THSD7B: variants seen among roughly 807,000 people sequenced by gnomAD.
The protein encoded by THSD7B is thrombospondin type 1 domain containing 7B.
A neutral mutation model predicts 213.6 loss-of-function variants in THSD7B; 138 were observed. The observed-to-expected ratio is 0.65, with a 90% CI of 0.56 to 0.74. The LOEUF (loss-of-function observed/expected upper bound fraction) is 0.74. THSD7B is among the 30% of genes least tolerant of loss of function. THSD7B has a pLI of 0.00. For missense variants in THSD7B, 1,931 were observed against 1,991.5 expected (o/e 0.97, Z 0.58); for synonymous variants, 742 against 687.0 (o/e 1.08, Z -1.25).
intron 1 of THSD7B, among the ~76,000 whole-genome samples, chr2:136,818,770 A>G (rs1682524756): frequency 6.6e-6 from 1 of 151,972 alleles, no homozygotes; most frequent in African/African-American, 2.4e-5. Flanking sequence ...CTGATTCCTC[A>G]TTTCTAATTT....
chr2:137,662,062 C>CTTTTTTT (rs778872364), intron 25 of THSD7B, among the ~76,000 whole-genome samples: 9 of 132,654 alleles, frequency 6.8e-5, no homozygotes, highest in Non-Finnish European at 9.7e-5. Flanking sequence ...TTTCTTTTTT[C>CTTTTTTT]TTTTTTTTTT....
chr2:137,182,302 A>G (rs1452771614), intron 7 of THSD7B, among the ~76,000 whole-genome samples: 1 of 152,216 alleles, frequency 6.6e-6, no homozygotes, highest in Non-Finnish European at 1.5e-5. Flanking sequence ...TGAGAGAAAC[A>G]GTGTATGTCC....
In THSD7B at chr2:137,238,534, C is replaced by CTTTTTTTT. The variant is rs869146863; in HGVS notation, c.2151-3900_2151-3893dup. Among the ~76,000 whole-genome samples, 345 of 51,886 alleles carry CTTTTTTTT rather than the reference C, an allele frequency of 6.6e-3. 72 individuals are homozygous for CTTTTTTTT. The highest frequency in any genetic ancestry group is 7.6e-3 in the Non-Finnish European group (220 of 28,878). 34.0% of individuals were successfully genotyped at this position (51,886 alleles called of 152,430 possible). A position where few individuals can be genotyped will look rare whatever the true frequency, so the allele number is the denominator to read the frequency against. On this transcript the variant is annotated intron_variant, in intron 9 of 27. Coordinates refer to ENST00000409968, the MANE Select transcript of THSD7B (RefSeq NM_001316349.2). The stretch of plus-strand genomic sequence containing the variant: ...TATCCTGATAATGACACTCATCTTT[C>CTTTTTTTT]TTTTTTTTTTTTTTTTTTTTTTTTT...
At chr2:137,219,017 T>C (rs1014070584) in intron 7 of THSD7B, among the ~76,000 whole-genome samples, 2 of 152,122 alleles carry the variant, frequency 1.3e-5, no homozygotes, top group East Asian at 3.9e-4. Context: ...ACATTAATTA[T>C]TTTAAGGTCT....
chr2:136,990,179 C>T lies in THSD7B; in HGVS notation c.140-66241C>T, dbSNP rs555405417. Among the ~76,000 whole-genome samples, 7 of 152,342 alleles carry T rather than the reference C, an allele frequency of 4.6e-5. No homozygotes were observed. In the East Asian group the frequency reaches 9.6e-4, roughly 21 times the overall value. ...TTTCTGAGTTTATACATGTAGTTAACGGCGGAGCCCAGAGTAGAACTTAGA... is the reference window on the plus strand; with the variant it reads ...TTTCTGAGTTTATACATGTAGTTAATGGCGGAGCCCAGAGTAGAACTTAGA... On this transcript the variant is annotated intron_variant, in intron 2 of 27. Transcript: ENST00000409968.
rs189513323 is a variant in THSD7B at position 137,268,145 on chromosome 2, C to T, written c.2267-4388C>T. On this transcript the variant is annotated intron_variant, in intron 10 of 27. Coordinates refer to ENST00000409968, the MANE Select transcript of THSD7B (RefSeq NM_001316349.2). ...TGGATCCAGAATCTAAGAGAGGATT[C>T]TTTATTTTATTTTATTTTTTTTATA... is the stretch of plus-strand genomic sequence containing the variant. Among the ~76,000 whole-genome samples, 198 of 152,092 alleles carry T rather than the reference C, an allele frequency of 1.3e-3. 1 individual carries two copies. Among genetic ancestry groups the T allele is most frequent in the African/African-American group, 4.6e-3 (192 of 41,502 alleles).
At chr2:136,825,590 T>C (rs1305304238) in intron 1 of THSD7B, among the ~76,000 whole-genome samples, 1 of 152,150 alleles carries the variant, frequency 6.6e-6, no homozygotes, top group East Asian at 1.9e-4. Flanking sequence ...AGTCTTGCTC[T>C]GTCGCCCAGG....
chr2:137,282,954 A>G (rs985674957), intron 12 of THSD7B, among the ~76,000 whole-genome samples: 5 of 152,214 alleles, frequency 3.3e-5, no homozygotes, highest in African/African-American at 1.2e-4. Flanking sequence ...AGTCATTGGT[A>G]GCTTGATGGG....
chr2:137,571,870 GA>G (rs1172676134), intron 16 of THSD7B, among the ~76,000 whole-genome samples: 2 of 151,988 alleles, frequency 1.3e-5, no homozygotes, highest in African/African-American at 4.8e-5. Context: ...TTACCTGAAA[GA>G]ATACCTATTC....
intron 2 of THSD7B, among the ~76,000 whole-genome samples, chr2:137,005,420 G>A (rs530659129): frequency 1.1e-4 from 16 of 152,238 alleles, no homozygotes; most frequent in Middle Eastern, 3.4e-3. Context: ...TCAGTGAAAC[G>A]GCCCATCCTT....
intron 7 of THSD7B, among the ~76,000 whole-genome samples, chr2:137,175,685 G>A (rs1680345094): frequency 6.6e-6 from 1 of 152,122 alleles, no homozygotes; most frequent in African/African-American, 2.4e-5. Context: ...GTACTTGTAA[G>A]CTCTAACACT....
intron 12 of THSD7B, among the ~76,000 whole-genome samples, chr2:137,386,119 T>C (rs960476764): frequency 1.3e-5 from 2 of 152,184 alleles, no homozygotes; most frequent in African/African-American, 4.8e-5. Flanking sequence ...TGCACACCTT[T>C]CATGGTGTTA....
intron 2 of THSD7B, among the ~76,000 whole-genome samples, chr2:136,979,826 T>C (rs1685543530): frequency 6.6e-6 from 1 of 152,206 alleles, no homozygotes; most frequent in Admixed American, 6.5e-5. Context: ...GGTGTTGTGA[T>C]CATTTGGAGA....
intron 4 of THSD7B, among the ~76,000 whole-genome samples, chr2:137,109,008 T>C (rs1183882891): frequency 6.6e-6 from 1 of 152,184 alleles, no homozygotes; most frequent in African/African-American, 2.4e-5. Context: ...GAATCATCCA[T>C]CACTACTCTC....
intron 12 of THSD7B, among the ~76,000 whole-genome samples, chr2:137,284,280 T>C (rs1286168476): frequency 2.0e-5 from 3 of 152,146 alleles, no homozygotes; most frequent in Admixed American, 6.5e-5. Flanking sequence ...TCTATTTGAT[T>C]CTTCTCTCTT....
chr2:137,070,245 C>G (rs904660352), intron 3 of THSD7B, among the ~76,000 whole-genome samples: 11 of 151,712 alleles, frequency 7.3e-5, no homozygotes, highest in African/African-American at 1.9e-4. Context: ...TTAACATTTC[C>G]TAGGAATTAG....
rs78723210 is a variant in THSD7B at position 136,822,893 on chromosome 2, C to G, written c.-36+57206C>G. Among the ~76,000 whole-genome samples the G allele has an allele frequency of 3.6e-3, 547 of 152,220 alleles. 24 individuals are homozygous for G. The East Asian group carries it at 0.078, about 22-fold the overall frequency. The stretch of plus-strand genomic sequence containing the variant: ...CCTAGAAAGTAGGCTAGATTTAGCC[C>G]TATACATTAATGAAATTGTTTATTC... On this transcript the variant is annotated intron_variant, in intron 1 of 27. Transcript: ENST00000409968.
chr2:137,125,663 A>G (rs1427523283), intron 5 of THSD7B, among the ~76,000 whole-genome samples: 2 of 152,198 alleles, frequency 1.3e-5, no homozygotes, highest in Non-Finnish European at 2.9e-5. Context: ...AAATGTTCTT[A>G]ATGGCATCTA....
chr2:137,432,652 CA>C (rs962937807), intron 14 of THSD7B, among the ~76,000 whole-genome samples: 6 of 152,186 alleles, frequency 3.9e-5, no homozygotes, highest in Non-Finnish European at 7.3e-5. Context: ...CATTTTCAAC[CA>C]CACATTTCAT....
Sources: gnomAD v4.1 joint callset for allele counts (sites outside exome capture counted in the v4.1 genomes callset) on GRCh38, gnomAD v4.1.1 for gene constraint, MANE v1.5 for transcripts, NCBI Gene and HGNC (gene_info 2026-07-23, HGNC 2026-07-21) for gene names.